Variants in CHSY1 observed in about 807,000 individuals in gnomAD.
The protein encoded by CHSY1 is chondroitin sulfate synthase 1, also known as N-acetylgalactosaminyl-proteoglycan 3-beta-glucuronosyltransferase 1.
CHSY1 carries 13 observed loss-of-function variants against 59.8 expected under a neutral mutation model. The ratio of observed to expected loss-of-function variants is 0.22; its 90% CI spans 0.14 to 0.35. The LOEUF is 0.35. CHSY1 is among the 10% of genes least tolerant of loss of function. CHSY1 has a pLI of 1.00. For missense variants in CHSY1, 947 were observed against 1,030.6 expected (o/e 0.92, Z 1.11); for synonymous variants, 459 against 401.2 (o/e 1.14, Z -1.72).
chr15:101,186,421 G>C (rs2038366513), intron 2 of CHSY1, among the ~76,000 whole-genome samples: 1 of 152,190 alleles, frequency 6.6e-6, no homozygotes, highest in Admixed American at 6.5e-5. Flanking sequence ...TTCTCTGGAA[G>C]AAAGTTTAGA....
chr15:101,246,686 G>T (rs1015585829), intron 1 of CHSY1, among the ~76,000 whole-genome samples: 13 of 152,014 alleles, frequency 8.6e-5, no homozygotes, highest in African/African-American at 3.1e-4. Context: ...CATACTATTT[G>T]GGGAAAAAAT....
intron 1 of CHSY1, among the ~76,000 whole-genome samples, chr15:101,237,160 G>A (rs1035599656): frequency 7.0e-6 from 1 of 142,658 alleles, no homozygotes. Flanking sequence ...GGAGGCAGAG[G>A]TTGCAATGAG....
intron 2 of CHSY1, among the ~76,000 whole-genome samples, chr15:101,196,283 G>A (rs1194020539): frequency 6.7e-6 from 1 of 150,206 alleles, no homozygotes; most frequent in Admixed American, 6.6e-5. Context: ...ACTAAACAAT[G>A]TAATTCTCAT....
rs147287474 is a variant in CHSY1, at chr15:101,178,621, G to A, written c.1176C>T (p.Pro392=). ...GGGCGGAGTCCATTCCTCTTCGAGGGGGCTGGCCGTCAACTGCCGAATACA... is the reference window on the plus strand; with the variant it reads ...GGGCGGAGTCCATTCCTCTTCGAGGAGGCTGGCCGTCAACTGCCGAATACA... ...KYLYSAVDGQ[P]PRRGMDSAQR... The change falls in exon 3 of 3, where the codon CCC becomes CCT. Residue 392 remains proline (P), a synonymous_variant. Transcript: ENST00000254190. The A allele has an allele frequency of 3.0e-4, 479 of 1,614,194 alleles. 2 individuals carry two copies. In the African/African-American group the frequency reaches 6.0e-3, roughly 20 times the overall value.
intron 1 of CHSY1, among the ~76,000 whole-genome samples, chr15:101,243,815 C>T (rs2039025873): frequency 6.6e-6 from 1 of 152,242 alleles, no homozygotes; most frequent in Admixed American, 6.5e-5. Flanking sequence ...GCTTCTGAGG[C>T]CACATTCTGT....
At chr15:101,220,561 T>C (rs543970309) in intron 2 of CHSY1, among the ~76,000 whole-genome samples, 8 of 152,262 alleles carry the variant, frequency 5.3e-5, no homozygotes, top group Admixed American at 5.2e-4. Context: ...TCTTCGCAGA[T>C]GTATCAGCAT....
chr15:101,222,495 G>C (rs1277097781), intron 2 of CHSY1, among the ~76,000 whole-genome samples: 1 of 152,132 alleles, frequency 6.6e-6, no homozygotes, highest in Non-Finnish European at 1.5e-5. Context: ...CTATTACCTA[G>C]AGTGCAGACT....
At chr15:101,199,994 A>G (rs10751717) in intron 2 of CHSY1, among the ~76,000 whole-genome samples, 65,255 of 152,096 alleles carry the variant, frequency 0.43, 15,860 homozygotes, top group African/African-American at 0.65. Context: ...AATAAGATAC[A>G]AGAAAAAGTG....
At chr15:101,243,704 T>G (rs2039024919) in intron 1 of CHSY1, among the ~76,000 whole-genome samples, 1 of 152,258 alleles carries the variant, frequency 6.6e-6, no homozygotes, top group Admixed American at 6.5e-5. Context: ...CATGCATGGC[T>G]TGGCGACTTG....
intron 1 of CHSY1, among the ~76,000 whole-genome samples, chr15:101,237,582 T>A (rs536426763): frequency 1.7e-4 from 26 of 152,154 alleles, no homozygotes; most frequent in African/African-American, 6.0e-4. Flanking sequence ...AGTGGTCAAC[T>A]GCGAGGAAAC....
chr15:101,239,078 G>A (rs903687460), intron 1 of CHSY1, among the ~76,000 whole-genome samples: 2 of 152,192 alleles, frequency 1.3e-5, no homozygotes, highest in Admixed American at 6.5e-5. Context: ...CATTCAAGTC[G>A]AGGAGCCCCT....
chr15:101,180,197 A>T (rs1047006544), intron 2 of CHSY1, among the ~76,000 whole-genome samples: 6 of 152,222 alleles, frequency 3.9e-5, no homozygotes, highest in Non-Finnish European at 8.8e-5. Context: ...TTTTCTCATA[A>T]GGTAAAAAGT....
In CHSY1 at chr15:101,184,637, A is replaced by G. The variant is rs572744632; in HGVS notation, c.817-5657T>C. Among the ~76,000 whole-genome samples, 19 of 151,952 alleles carry G rather than the reference A, an allele frequency of 1.3e-4. 1 individual carries two copies. The highest frequency in any genetic ancestry group is 3.4e-3 in the Middle Eastern group (1 of 294). ...AGCCCTGGGATTACAGACGTGAGCC[A>G]CCCAGCCCGGCCATTTTCTTTTTTT... On this transcript the variant is annotated intron_variant, in intron 2 of 2. Coordinates refer to ENST00000254190, the MANE Select transcript of CHSY1 (RefSeq NM_014918.5).
At chr15:101,188,810 C>G (rs775675575) in intron 2 of CHSY1, among the ~76,000 whole-genome samples, 2 of 152,200 alleles carry the variant, frequency 1.3e-5, no homozygotes, top group Non-Finnish European at 2.9e-5. Context: ...ACTGAACATT[C>G]CATGTCTACA....
At chr15:101,181,782 G>A (rs763336530) in intron 2 of CHSY1, among the ~76,000 whole-genome samples, 3 of 152,154 alleles carry the variant, frequency 2.0e-5, no homozygotes, top group African/African-American at 2.4e-5. Flanking sequence ...ATCCTTGAAC[G>A]ACGTGGGGGT....
chr15:101,208,112 G>A (rs932926799), intron 2 of CHSY1, among the ~76,000 whole-genome samples: 10 of 152,210 alleles, frequency 6.6e-5, no homozygotes, highest in Non-Finnish European at 1.5e-4. Context: ...ATACAGAAAG[G>A]GAGAGAAGAG....
intron 1 of CHSY1, among the ~76,000 whole-genome samples, chr15:101,248,858 G>C (rs2039077015): frequency 6.6e-6 from 1 of 152,046 alleles, no homozygotes; most frequent in African/African-American, 2.4e-5. Flanking sequence ...GCAATCTCGG[G>C]TCACAGCAAC....
chr15:101,200,366 C>CTG (rs1430864325), intron 2 of CHSY1, among the ~76,000 whole-genome samples: 1 of 152,210 alleles, frequency 6.6e-6, no homozygotes, highest in Admixed American at 6.5e-5. Context: ...AAGACACGGG[C>CTG]TGGAGCCTGG....
At chr15:101,246,680 C>T (rs1052754558) in intron 1 of CHSY1, among the ~76,000 whole-genome samples, 2 of 152,232 alleles carry the variant, frequency 1.3e-5, no homozygotes, top group South Asian at 4.1e-4. Context: ...CGACCACATA[C>T]TATTTGGGGA....
Sources: gnomAD v4.1 joint callset for allele counts (sites outside exome capture counted in the v4.1 genomes callset) on GRCh38, gnomAD v4.1.1 for gene constraint, MANE v1.5 for transcripts, NCBI Gene and HGNC (gene_info 2026-07-23, HGNC 2026-07-21) for gene names.